The following WBP1L variants were observed in gnomAD, a reference collection of about 807,000 sequenced individuals.
WBP1L encodes WW domain binding protein 1 like.
Under a neutral mutation model 33.7 loss-of-function variants are expected in WBP1L, and 17 were observed. That is an observed-to-expected ratio of 0.50 (90% CI 0.34 to 0.76). WBP1L has a LOEUF of 0.76. WBP1L is among the 30% of genes least tolerant of loss of function. WBP1L has a pLI of 0.01. For synonymous variants in WBP1L, 173 were observed against 190.8 expected (o/e 0.91, Z 0.77); for missense variants, 389 against 469.4 (o/e 0.83, Z 1.58).
intron 1 of WBP1L, among the ~76,000 whole-genome samples, chr10:102,780,091 G>C (rs1423106773): frequency 2.0e-5 from 3 of 152,306 alleles, no homozygotes; most frequent in Admixed American, 2.0e-4. Flanking sequence ...GAAGACCTCA[G>C]GGCCCTTCTT....
chr10:102,809,782 A>G (rs1051092709), intron 2 of WBP1L, 111 bp from the exon 3 acceptor site: 13 of 1,247,922 alleles, frequency 1.0e-5, no homozygotes, highest in Non-Finnish European at 1.4e-5. Context: ...AGGCCCAGCC[A>G]TGCCAGCTTC....
At chr10:102,783,929 G>A (rs1409813826) in intron 1 of WBP1L, among the ~76,000 whole-genome samples, 1 of 152,200 alleles carries the variant, frequency 6.6e-6, no homozygotes, top group Non-Finnish European at 1.5e-5. Context: ...GGGGAAATAG[G>A]TAGAGCTTTC....
chr10:102,776,117 C>T, intron 1 of WBP1L: 3 of 1,340,232 alleles, frequency 2.2e-6, no homozygotes, highest in South Asian at 3.1e-5. Flanking sequence ...GATGTCATTT[C>T]CCCCTTGGCA....
intron 2 of WBP1L, among the ~76,000 whole-genome samples, chr10:102,801,931 C>T (rs1455553142): frequency 1.0e-5 from 1 of 98,586 alleles, no homozygotes; most frequent in East Asian, 3.2e-4. Flanking sequence ...TCCCTCCCCA[C>T]TTTTCCTCCC....
rs529827057 is a variant in WBP1L at position 102,807,046 on chromosome 10, A to G, written c.194-2847A>G. Among the ~76,000 whole-genome samples the G allele has an allele frequency of 4.6e-5, 7 of 152,298 alleles. No individual in the cohort carries two copies. The South Asian group carries it at 1.4e-3, about 32-fold the overall frequency. On this transcript the variant is annotated intron_variant, in intron 2 of 3. Transcript: ENST00000448841. ...TTGATTTAACTCATTCTGACAAGAG[A>G]TACATGTGGAACTACTTTTAAAATT...
chr10:102,796,198 G>T (rs1029403844), intron 1 of WBP1L, among the ~76,000 whole-genome samples: 2 of 152,084 alleles, frequency 1.3e-5, no homozygotes, highest in Admixed American at 1.3e-4. Flanking sequence ...TGGTGGTGGG[G>T]CGGCGGGGGA....
chr10:102,779,683 C>A (rs1195607630), intron 1 of WBP1L, among the ~76,000 whole-genome samples: 1 of 119,294 alleles, frequency 8.4e-6, no homozygotes, highest in East Asian at 2.0e-4. Flanking sequence ...TTTCTGATCC[C>A]GGTTGTTTCC....
Position 102,813,216 on chromosome 10 carries a change from A to G in WBP1L, c.977A>G (p.Glu326Gly). The G allele has an allele frequency of 1.9e-6, 3 of 1,613,000 alleles. No individual in the cohort carries two copies. Among genetic ancestry groups the G allele is most frequent in the Non-Finnish European group, 2.5e-6 (3 of 1,179,936 alleles). The change falls in exon 4 of 4, where the codon GAG (glutamate) becomes GGG (glycine). Residue 326 changes from glutamate (E) to glycine (G), a missense_variant. Transcript: ENST00000448841. Reference sequence around the variant, plus strand: ...GAAGGCCTCTGTCAGTCCTCTGAGGAGCAGGCTCGAGAGCCTGGGCACCCG... The same window carrying G: ...GAAGGCCTCTGTCAGTCCTCTGAGGGGCAGGCTCGAGAGCCTGGGCACCCG... ...EEEGLCQSSE[E>G]QAREPGHPHL...
chr10:102,744,302 T>C, intron 1 of WBP1L, 159 bp downstream of exon 1: 2 of 928,170 alleles, frequency 2.2e-6, no homozygotes, highest in Non-Finnish European at 2.6e-6. Context: ...GGTATTTAGC[T>C]GAGGGACACC....
chr10:102,764,503 G>A (rs369472599), intron 1 of WBP1L, among the ~76,000 whole-genome samples: 9 of 152,280 alleles, frequency 5.9e-5, no homozygotes, highest in South Asian at 4.1e-4. Flanking sequence ...CTGTGGCCTG[G>A]AAGTGCAGGG....
At chr10:102,766,098 G>A (rs922107944) in intron 1 of WBP1L, among the ~76,000 whole-genome samples, 1 of 152,012 alleles carries the variant, frequency 6.6e-6, no homozygotes, top group Non-Finnish European at 1.5e-5. Context: ...CTAGGAGTTC[G>A]AGACCAGCCT....
intron 1 of WBP1L, chr10:102,776,351 C>T (rs758194055): frequency 1.2e-6 from 2 of 1,613,970 alleles, no homozygotes; most frequent in African/African-American, 1.3e-5. Context: ...CTTTTAAGAG[C>T]CCTTTGTTCC....
intron 1 of WBP1L, among the ~76,000 whole-genome samples, chr10:102,784,647 G>A (rs1439872047): frequency 4.6e-5 from 7 of 151,910 alleles, no homozygotes; most frequent in East Asian, 3.9e-4. Context: ...GGATGGTCTC[G>A]ACCTCCTGAT....
chr10:102,753,878 C>T (rs753653224), intron 1 of WBP1L, among the ~76,000 whole-genome samples: 1 of 152,170 alleles, frequency 6.6e-6, no homozygotes, highest in Non-Finnish European at 1.5e-5. Context: ...AAATATCTAG[C>T]AAGACAAATG....
intron 1 of WBP1L, among the ~76,000 whole-genome samples, chr10:102,790,450 A>G (rs1843479469): frequency 6.6e-6 from 1 of 151,890 alleles, no homozygotes; most frequent in Non-Finnish European, 1.5e-5. Flanking sequence ...TCTTGTTTGT[A>G]ATGGATTAGT....
At chr10:102,747,200 A>G (rs1842873078) in intron 1 of WBP1L, among the ~76,000 whole-genome samples, 1 of 152,084 alleles carries the variant, frequency 6.6e-6, no homozygotes, top group South Asian at 2.1e-4. Flanking sequence ...TGTCTCTACT[A>G]AAAATACAAA....
intron 1 of WBP1L, among the ~76,000 whole-genome samples, chr10:102,791,692 C>G (rs1376309476): frequency 6.6e-6 from 1 of 152,140 alleles, no homozygotes; most frequent in African/African-American, 2.4e-5. Context: ...AGGTGATGCT[C>G]CAAATTAATT....
intron 1 of WBP1L, among the ~76,000 whole-genome samples, chr10:102,781,470 G>A (rs1843335083): frequency 6.6e-6 from 1 of 152,146 alleles, no homozygotes; most frequent in Admixed American, 6.5e-5. Context: ...GGCAGGAGGG[G>A]CCTGGAGTAC....
intron 2 of WBP1L, among the ~76,000 whole-genome samples, chr10:102,808,205 C>G (rs1351060947): frequency 6.6e-6 from 1 of 151,970 alleles, no homozygotes; most frequent in East Asian, 1.9e-4. Flanking sequence ...TAATTTGTTT[C>G]TAGTTTTATA....
Sources: allele counts gnomAD v4.1 joint callset (sites outside exome capture counted in the v4.1 genomes callset), GRCh38; gene constraint gnomAD v4.1.1; transcripts MANE v1.5; gene names NCBI Gene and HGNC (gene_info 2026-07-23, HGNC 2026-07-21).